The following PYGB variants were observed in gnomAD, a reference collection of about 807,000 sequenced individuals.
PYGB encodes glycogen phosphorylase B.
A neutral mutation model predicts 94.3 loss-of-function variants in PYGB; 82 were observed. The ratio of observed to expected loss-of-function variants is 0.87; its 90% CI spans 0.73 to 1.04. The LOEUF (loss-of-function observed/expected upper bound fraction) is 1.04, where lower values mean the gene tolerates loss of function less well. PYGB is among the 50% of genes least tolerant of loss of function. The pLI is 0.00. For synonymous variants in PYGB, 488 were observed against 479.1 expected (o/e 1.02, Z -0.24); for missense variants, 1,132 against 1,158.2 (o/e 0.98, Z 0.33).
chr20:25,259,997 C>G (rs1600722921), intron 2 of PYGB, among the ~76,000 whole-genome samples: 1 of 152,244 alleles, frequency 6.6e-6, no homozygotes, highest in African/African-American at 2.4e-5. Context: ...CTGCCACCGC[C>G]TTTGCTTTGC....
intron 13 of PYGB, among the ~76,000 whole-genome samples, chr20:25,283,579 G>A (rs1320209320): frequency 6.6e-6 from 1 of 152,236 alleles, no homozygotes; most frequent in East Asian, 1.9e-4. Flanking sequence ...CTGTATGGAA[G>A]CCTCTAGAAG....
chr20:25,276,508 A>G (rs2088311869), intron 5 of PYGB, 138 bp from the exon 6 acceptor site: 1 of 659,512 alleles, frequency 1.5e-6, no homozygotes, highest in South Asian at 1.8e-5. Flanking sequence ...GGCTGGGTGG[A>G]TGTGTTTGGG....
At chr20:25,276,851 T>G in intron 6 of PYGB, 94 bp downstream of exon 6, 1 of 1,196,084 alleles carries the variant, frequency 8.4e-7, no homozygotes. Context: ...TGTGGCTCAC[T>G]GTCCTGGAGG....
At chr20:25,283,012 G>T (rs2145126) in intron 12 of PYGB, among the ~76,000 whole-genome samples, 164 bp from the exon 13 acceptor site, 1 of 152,012 alleles carries the variant, frequency 6.6e-6, no homozygotes, top group South Asian at 2.1e-4. Flanking sequence ...AGGGGCTGCT[G>T]GGGTAACCCT....
rs774794812 is a variant in PYGB at position 25,284,185 on chromosome 20, G to A, written c.1702G>A (p.Val568Met). 1.2e-6 allele frequency: 2 copies of A among 1,614,114 alleles called. No homozygotes were observed. Among genetic ancestry groups the A allele is most frequent in the Non-Finnish European group, 1.7e-6 (2 of 1,179,976 alleles). Residue 568 changes from valine (V) to methionine (M), a missense_variant, in exon 14 of 20, where the codon GTG becomes ATG. Transcript: ENST00000216962. ...CCCCTCCTCCATGTTCGATGTGCAT[G>A]TGAAGAGGATCCACGAGTACAAGCG... ...INPSSMFDVH[V>M]KRIHEYKRQL...
At chr20:25,276,533 G>A (rs1230408643) in intron 5 of PYGB, 113 bp from the exon 6 acceptor site, 21 of 803,094 alleles carry the variant, frequency 2.6e-5, no homozygotes, top group Admixed American at 1.0e-4. Flanking sequence ...AGGGGGAGAC[G>A]GTGGGGGGCC....
chr20:25,253,374 G>A (rs1426779273), intron 1 of PYGB, among the ~76,000 whole-genome samples: 8 of 152,268 alleles, frequency 5.3e-5, no homozygotes, highest in African/African-American at 1.7e-4. Context: ...AAATATGGCC[G>A]GGCGTGGTGA....
In PYGB at chr20:25,296,409, G is replaced by A. The variant is rs775021141; in HGVS notation, c.2419G>A (p.Ala807Thr). The A allele has an allele frequency of 8.1e-6, 13 of 1,613,864 alleles. No homozygotes were observed. The highest frequency in any genetic ancestry group is 6.7e-5 in the East Asian group (3 of 44,886). ...GACCAAGAAGGTCATCAGGAACATC[G>A]CCTGCTCGGGCAAGTTCTCCAGTGA... ...EWTKKVIRNI[A>T]CSGKFSSDRT... The change falls in exon 20 of 20, where the codon GCC becomes ACC. Residue 807 changes from alanine to threonine, a missense_variant. Physicochemically the swap from Ala to Thr is moderately conservative, Grantham distance 58. Transcript: ENST00000216962.
rs772770448 is a variant in PYGB at position 25,292,451 on chromosome 20, C to G, written c.2015C>G (p.Thr672Ser). Reference sequence around the variant, plus strand: ...TCGCAGCAGATCTCCACTGCAGGCACCGAGGCCTCAGGCACAGGCAACATG... The same window carrying G: ...TCGCAGCAGATCTCCACTGCAGGCAGCGAGGCCTCAGGCACAGGCAACATG... ...DLSQQISTAGTEASGTGNMKF... is the reference protein window; with the variant it reads ...DLSQQISTAGSEASGTGNMKF... The change falls in exon 17 of 20, where the codon ACC (threonine) becomes AGC (serine). Residue 672 changes from threonine to serine, a missense_variant. Physicochemically the swap from Thr to Ser is moderately conservative, Grantham distance 58. Coordinates refer to ENST00000216962, the MANE Select transcript of PYGB (RefSeq NM_002862.4). 4.3e-6 allele frequency: 7 copies of G among 1,613,366 alleles called. No individual in the cohort carries two copies. Among genetic ancestry groups the G allele is most frequent in the Non-Finnish European group, 5.9e-6 (7 of 1,180,012 alleles).
Position 25,248,101 on chromosome 20 carries a change from A to AGCAGCTGCACCATC in PYGB, c.-77_-64dup. On this transcript the variant is annotated 5_prime_UTR_variant, in exon 1 of 20. Coordinates refer to ENST00000216962, the MANE Select transcript of PYGB (RefSeq NM_002862.4). Reference sequence around the variant, plus strand: ...CCGGGCGCCAGAGCAGCGGCGCCAGAGCAGCTGCACCATCCCGGCGTTCGC... The same window carrying AGCAGCTGCACCATC: ...CCGGGCGCCAGAGCAGCGGCGCCAGAGCAGCTGCACCATCGCAGCTGCACCATCCCGGCGTTCGC... 7.3e-7 allele frequency: 1 copy of AGCAGCTGCACCATC among 1,374,860 alleles called. No homozygotes were observed. Among genetic ancestry groups the AGCAGCTGCACCATC allele is most frequent in the Non-Finnish European group, 9.4e-7 (1 of 1,062,122 alleles). 85.2% of individuals were successfully genotyped at this position (1,374,860 alleles called of 1,614,324 possible).
chr20:25,258,963 C>T (rs750808347), intron 1 of PYGB, among the ~76,000 whole-genome samples: 15 of 152,252 alleles, frequency 9.9e-5, no homozygotes, highest in Admixed American at 9.2e-4. Context: ...CCTGCCCTGC[C>T]TCCCCACACA....
intron 15 of PYGB, 188 bp downstream of exon 15, chr20:25,288,671 C>CGAGA: frequency 1.5e-6 from 1 of 664,842 alleles, no homozygotes; most frequent in South Asian, 2.0e-5. Flanking sequence ...TGGAAGCCTC[C>CGAGA]TGCCTGCCCA....
chr20:25,259,376 C>A, intron 2 of PYGB, 38 bp downstream of exon 2: 1 of 1,496,700 alleles, frequency 6.7e-7, no homozygotes, highest in Non-Finnish European at 9.3e-7. Context: ...GGTGGCCCCT[C>A]GTGGTGCTTT....
At chr20:25,281,979 C>T (rs1337464908) in intron 11 of PYGB, 54 bp from the exon 12 acceptor site, 5 of 1,461,752 alleles carry the variant, frequency 3.4e-6, no homozygotes, top group South Asian at 1.1e-5. Flanking sequence ...GTCTGTTGCT[C>T]ACCTGGTGCA....
At position 25,248,417 on chromosome 20, in the gene PYGB, C is replaced by G. The variant is rs1019635973; in HGVS notation, c.239C>G (p.Pro80Arg). 1 of 1,523,000 alleles carries G rather than the reference C, an allele frequency of 6.6e-7. No individual in the cohort carries two copies. Among genetic ancestry groups the G allele is most frequent in the African/African-American group, 1.4e-5 (1 of 70,096 alleles). The allele number at this position is 1,523,000 out of a possible 1,614,324, so 94.3% of individuals were successfully genotyped here. Residue 80 changes from proline (P) to arginine (R), a missense_variant, in exon 1 of 20, where the codon CCC becomes CGC. Physicochemically the swap from Pro to Arg is moderately radical, Grantham distance 103 (BLOSUM62 -2). Coordinates refer to ENST00000216962, the MANE Select transcript of PYGB (RefSeq NM_002862.4). ...CAGCAGCACTACTACGAGCGCGACC[C>G]CAAGGTGAGGCGCTGCCCCGCCCTG... ...RTQQHYYERD[P>R]KRIYYLSLEF...
At chr20:25,256,910 C>G (rs1015813949) in intron 1 of PYGB, among the ~76,000 whole-genome samples, 2 of 152,192 alleles carry the variant, frequency 1.3e-5, no homozygotes, top group Non-Finnish European at 2.9e-5. Flanking sequence ...CTAGGCTTTG[C>G]ATTTCTCCTT....
chr20:25,271,174 A>G (rs537848189), intron 3 of PYGB, among the ~76,000 whole-genome samples: 2 of 151,886 alleles, frequency 1.3e-5, no homozygotes, highest in African/African-American at 4.8e-5. Context: ...CCATCCTCCC[A>G]CGCCCTTCGA....
At chr20:25,278,986 T>A in intron 8 of PYGB, 71 bp from the exon 9 acceptor site, 1 of 1,458,276 alleles carries the variant, frequency 6.9e-7, no homozygotes, top group Non-Finnish European at 9.4e-7. Flanking sequence ...TTGGGGAGCT[T>A]CGTATGCCAA....
intron 7 of PYGB, among the ~76,000 whole-genome samples, chr20:25,277,645 T>A (rs1205461111): frequency 1.3e-5 from 2 of 152,198 alleles, no homozygotes; most frequent in Non-Finnish European, 2.9e-5. Context: ...CTGGAGCCCG[T>A]CAGCCCTCCA....
Sources: allele counts gnomAD v4.1 joint callset (sites outside exome capture counted in the v4.1 genomes callset), GRCh38; gene constraint gnomAD v4.1.1; transcripts MANE v1.5; gene names NCBI Gene and HGNC (gene_info 2026-07-23, HGNC 2026-07-21).